ROBO2: variants seen among roughly 807,000 people sequenced by gnomAD.
The protein encoded by ROBO2 is roundabout homolog 2.
In ROBO2, 53 loss-of-function variants were observed where a neutral mutation model predicts 160.8. The observed-to-expected ratio is 0.33, with a 90% CI of 0.26 to 0.41. The LOEUF (loss-of-function observed/expected upper bound fraction) is 0.41, where lower values mean the gene tolerates loss of function less well. ROBO2 is among the 10% of genes least tolerant of loss of function. ROBO2 has a pLI of 1.00. For missense variants in ROBO2, 1,577 were observed against 1,722.4 expected (o/e 0.92, Z 1.49); for synonymous variants, 664 against 611.7 (o/e 1.09, Z -1.26).
At chr3:76,262,799 A>C (rs1162491907) in intron 2 of ROBO2, among the ~76,000 whole-genome samples, 1 of 152,190 alleles carries the variant, frequency 6.6e-6, no homozygotes, top group Non-Finnish European at 1.5e-5. Flanking sequence ...TTAAGAAACA[A>C]TAGAGAATAA....
At chr3:76,210,000 A>T (rs1432367145) in intron 2 of ROBO2, among the ~76,000 whole-genome samples, 1 of 152,116 alleles carries the variant, frequency 6.6e-6, no homozygotes, top group Non-Finnish European at 1.5e-5. Context: ...GAACTTCATC[A>T]CTTGAGTTGA....
At chr3:76,261,205 T>TGTGTGTGTGTGTGTGTGTG (rs201526041) in intron 2 of ROBO2, among the ~76,000 whole-genome samples, 2 of 137,252 alleles carry the variant, frequency 1.5e-5, no homozygotes, top group African/African-American at 2.7e-5. Context: ...TGTGTGTGTA[T>TGTGTGTGTGTGTGTGTGTG]ATATATATAT....
At chr3:77,150,206 G>A (rs758130185) in intron 2 of ROBO2, among the ~76,000 whole-genome samples, 1 of 152,068 alleles carries the variant, frequency 6.6e-6, no homozygotes, top group African/African-American at 2.4e-5. Flanking sequence ...AATTCAAGAC[G>A]GCAGATAAAA....
intron 2 of ROBO2, among the ~76,000 whole-genome samples, chr3:76,853,270 T>G (rs1285625576): frequency 6.6e-6 from 1 of 152,100 alleles, no homozygotes; most frequent in East Asian, 1.9e-4. Flanking sequence ...AAATAGTTGG[T>G]AAGATTGCCA....
chr3:76,799,012 A>T (rs778372995), intron 2 of ROBO2, among the ~76,000 whole-genome samples: 10 of 152,154 alleles, frequency 6.6e-5, no homozygotes, highest in Non-Finnish European at 1.0e-4. Context: ...CAGGAGATGG[A>T]GACCATCCTG....
chr3:76,939,627 A>T (rs950893891), intron 2 of ROBO2, among the ~76,000 whole-genome samples: 2 of 152,078 alleles, frequency 1.3e-5, no homozygotes, highest in Non-Finnish European at 1.5e-5. Flanking sequence ...AAAAGAATGT[A>T]CAAATTATTA....
At chr3:77,178,100 T>G (rs945938408) in intron 2 of ROBO2, among the ~76,000 whole-genome samples, 3 of 151,852 alleles carry the variant, frequency 2.0e-5, no homozygotes, top group Non-Finnish European at 4.4e-5. Context: ...ACATAAAATT[T>G]AAGATTAAGT....
At chr3:76,780,800 CT>C in intron 2 of ROBO2, among the ~76,000 whole-genome samples, 1 of 150,672 alleles carries the variant, frequency 6.6e-6, no homozygotes. Context: ...CAGTACCATC[CT>C]GTTTTAATTA....
chr3:76,718,002 A>G (rs1468859321), intron 2 of ROBO2, among the ~76,000 whole-genome samples: 1 of 152,342 alleles, frequency 6.6e-6, no homozygotes, highest in African/African-American at 2.4e-5. Context: ...CATTCATCAG[A>G]TAAGATGCTT....
At chr3:77,384,783 TG>T (rs1560687507) in intron 2 of ROBO2, among the ~76,000 whole-genome samples, 1 of 152,224 alleles carries the variant, frequency 6.6e-6, no homozygotes, top group East Asian at 1.9e-4. Flanking sequence ...TTAGAATTTG[TG>T]TTAATGAGAA....
chr3:77,516,913 A>T (rs1397707004), intron 5 of ROBO2, among the ~76,000 whole-genome samples: 2 of 151,582 alleles, frequency 1.3e-5, no homozygotes, highest in African/African-American at 4.8e-5. Flanking sequence ...GCATTTGCTG[A>T]TGCATCATGA....
At chr3:77,543,977 G>A (rs1445602412) in intron 6 of ROBO2, among the ~76,000 whole-genome samples, 1 of 152,066 alleles carries the variant, frequency 6.6e-6, no homozygotes, top group Non-Finnish European at 1.5e-5. Context: ...TCCTCACTTG[G>A]CAAGTGTCCA....
intron 2 of ROBO2, among the ~76,000 whole-genome samples, chr3:75,960,262 G>C (rs1948863969): frequency 6.6e-6 from 1 of 151,776 alleles, no homozygotes; most frequent in African/African-American, 2.4e-5. Flanking sequence ...GGATCTGAAA[G>C]AATACCTCAA....
chr3:76,435,162 A>C, intron 2 of ROBO2: 1 of 998,162 alleles, frequency 1.0e-6, no homozygotes, highest in Non-Finnish European at 1.6e-6. Flanking sequence ...CATGGTGGGC[A>C]TTGTGGAGAT....
chr3:77,413,424 A>G lies in ROBO2; in HGVS notation c.389-63990A>G, dbSNP rs1156731500. Among the ~76,000 whole-genome samples, 5 of 152,264 alleles carry G rather than the reference A, an allele frequency of 3.3e-5. No homozygotes were observed. In the South Asian group the frequency reaches 1.0e-3, roughly 32 times the overall value. ...GAACTGAGAGCCATGAGCAGGGGCC[A>G]GGTCATGGAGTCTCTTTGGGAACTT... On this transcript the variant is annotated intron_variant, in intron 2 of 25. Coordinates refer to ENST00000461745, the Ensembl canonical transcript of ROBO2.
chr3:76,179,466 CCTT>C (rs1701393400), intron 2 of ROBO2, among the ~76,000 whole-genome samples: 2 of 152,194 alleles, frequency 1.3e-5, no homozygotes. Flanking sequence ...TTTCCATCCT[CCTT>C]ACTTCCCACA....
chr3:76,043,118 G>C (rs1362203568), intron 2 of ROBO2, among the ~76,000 whole-genome samples: 3 of 151,900 alleles, frequency 2.0e-5, no homozygotes, highest in African/African-American at 7.3e-5. Context: ...CTAATAAACA[G>C]TTAAAATCTT....
chr3:77,339,279 G>A (rs1249440741), intron 2 of ROBO2, among the ~76,000 whole-genome samples: 1 of 152,002 alleles, frequency 6.6e-6, no homozygotes, highest in East Asian at 1.9e-4. Context: ...GGCAAATATT[G>A]ACTGTAATTA....
At chr3:75,934,844 C>A (rs966688715) in intron 1 of ROBO2, among the ~76,000 whole-genome samples, 2 of 151,818 alleles carry the variant, frequency 1.3e-5, no homozygotes, top group African/African-American at 4.8e-5. Context: ...AGTAAAAATT[C>A]TGCCTTTTAA....
Sources: gnomAD v4.1 joint callset for allele counts (sites outside exome capture counted in the v4.1 genomes callset) on GRCh38, gnomAD v4.1.1 for gene constraint, MANE v1.5 for transcripts, NCBI Gene and HGNC (gene_info 2026-07-23, HGNC 2026-07-21) for gene names.